CLASP2: variants seen among roughly 807,000 people sequenced by gnomAD.
The protein encoded by CLASP2 is CLIP-associating protein 2.
Under a neutral mutation model 194.4 loss-of-function variants are expected in CLASP2, and 47 were observed. That is an observed-to-expected ratio of 0.24 (90% CI 0.19 to 0.31). The LOEUF is 0.31. CLASP2 is among the 10% of genes least tolerant of loss of function. The probability of loss-of-function intolerance (pLI) is 1.00; values close to 1 mark genes in which losing one functional copy is unlikely to be tolerated. For missense variants in CLASP2, 1,445 were observed against 1,823.6 expected (o/e 0.79, Z 3.78); for synonymous variants, 619 against 633.5 (o/e 0.98, Z 0.34).
rs112186892 is a variant in CLASP2 at position 33,554,455 on chromosome 3, T to A, written c.3010-3060A>T. The stretch of plus-strand genomic sequence containing the variant: ...TTATTTACATGCAGCACGTAAAAAG[T>A]CAAATTTATAGAAACAGAGAGTAAA... On this transcript the variant is annotated intron_variant, in intron 29 of 38. Transcript: ENST00000682230. Among the ~76,000 whole-genome samples, 2 of 152,024 alleles carry A rather than the reference T, an allele frequency of 1.3e-5. 1 individual carries two copies. Among genetic ancestry groups the A allele is most frequent in the South Asian group, 4.1e-4 (2 of 4,826 alleles).
At chr3:33,607,631 C>T (rs1366223457) in intron 14 of CLASP2, among the ~76,000 whole-genome samples, 170 bp from the exon 15 acceptor site, 1 of 152,052 alleles carries the variant, frequency 6.6e-6, no homozygotes, top group African/African-American at 2.4e-5. Context: ...TAATTATCTG[C>T]CCCATATGTT....
intron 9 of CLASP2, among the ~76,000 whole-genome samples, chr3:33,630,514 G>A (rs950238686): frequency 1.3e-5 from 2 of 152,074 alleles, no homozygotes; most frequent in African/African-American, 4.8e-5. Context: ...ATTACTATGA[G>A]TATGAGAGCC....
chr3:33,685,963 C>A (rs994744813), intron 5 of CLASP2, among the ~76,000 whole-genome samples: 12 of 151,800 alleles, frequency 7.9e-5, no homozygotes, highest in Non-Finnish European at 1.5e-4. Flanking sequence ...CGTAATGCCA[C>A]TGAACTTACA....
intron 7 of CLASP2, among the ~76,000 whole-genome samples, chr3:33,647,898 T>C (rs1019649110): frequency 6.6e-6 from 1 of 151,818 alleles, no homozygotes; most frequent in Admixed American, 6.6e-5. Context: ...CCAGGCGTGG[T>C]GGTGGGCGCC....
chr3:33,625,365 C>CTTA (rs747515731), intron 10 of CLASP2, among the ~76,000 whole-genome samples: 7 of 144,850 alleles, frequency 4.8e-5, no homozygotes, highest in Non-Finnish European at 7.4e-5. Context: ...ATTCCTATAA[C>CTTA]ACACACACAC....
chr3:33,588,244 A>T (rs1322156808), intron 21 of CLASP2, among the ~76,000 whole-genome samples: 7 of 152,148 alleles, frequency 4.6e-5, no homozygotes, highest in Non-Finnish European at 7.3e-5. Context: ...TTGGAAAAAA[A>T]TACCAAGGCT....
intron 22 of CLASP2, among the ~76,000 whole-genome samples, chr3:33,583,013 T>A (rs898079240): frequency 6.6e-6 from 1 of 152,184 alleles, no homozygotes; most frequent in Non-Finnish European, 1.5e-5. Context: ...TCCTACACAC[T>A]ATTTCTAAGG....
chr3:33,613,534 G>A (rs1280200097), intron 12 of CLASP2, among the ~76,000 whole-genome samples: 1 of 152,226 alleles, frequency 6.6e-6, no homozygotes, highest in Non-Finnish European at 1.5e-5. Flanking sequence ...TGGCACATCA[G>A]TGTTTGCCAC....
chr3:33,581,991 A>T, intron 22 of CLASP2, 63 bp from the exon 23 acceptor site: 2 of 1,233,146 alleles, frequency 1.6e-6, no homozygotes, highest in Non-Finnish European at 2.3e-6. Flanking sequence ...TTGCATTTTA[A>T]AAAATTTTGT....
At chr3:33,653,586 G>A (rs2083598661) in intron 7 of CLASP2, among the ~76,000 whole-genome samples, 1 of 151,906 alleles carries the variant, frequency 6.6e-6, no homozygotes, top group Admixed American at 6.6e-5. Flanking sequence ...TTGACACTAA[G>A]GGTTAAACTT....
At chr3:33,572,961 C>A in intron 25 of CLASP2, 149 bp downstream of exon 25, 3 of 654,604 alleles carry the variant, frequency 4.6e-6, no homozygotes, top group Non-Finnish European at 7.3e-6. Context: ...TCCTAAAAGA[C>A]TGAAGCTTTG....
chr3:33,584,727 TAAAAA>T lies in CLASP2; in HGVS notation c.2239+18_2239+22del. The T allele has an allele frequency of 8.0e-7, 1 of 1,255,284 alleles. No homozygotes were observed. 77.8% of individuals were successfully genotyped at this position (1,255,284 alleles called of 1,614,324 possible). A position where few individuals can be genotyped will look rare whatever the true frequency, so the allele number is the denominator to read the frequency against. ...AAAAAAAAGGGTTACATGTCTCACA[TAAAAA>T]AAAAAAAAAAATCTTACCCACTGAA... On this transcript the variant is annotated intron_variant, in intron 22 of 38. Transcript: ENST00000682230.
chr3:33,640,728 A>G (rs895700115), intron 8 of CLASP2, among the ~76,000 whole-genome samples: 3 of 152,110 alleles, frequency 2.0e-5, no homozygotes, highest in African/African-American at 4.8e-5. Flanking sequence ...AGTAGCAGCC[A>G]AAATGATTGA....
chr3:33,562,240 C>T (rs1238967884), intron 27 of CLASP2, among the ~76,000 whole-genome samples: 1 of 152,192 alleles, frequency 6.6e-6, no homozygotes, highest in African/African-American at 2.4e-5. Context: ...TTCCTACTCA[C>T]AGTGTGGATT....
chr3:33,599,766 G>A (rs921616496), intron 18 of CLASP2, among the ~76,000 whole-genome samples: 1 of 152,174 alleles, frequency 6.6e-6, no homozygotes, highest in Non-Finnish European at 1.5e-5. Context: ...ACAGCGGGTA[G>A]GGTGGGGTGA....
chr3:33,543,399 T>A lies in CLASP2; in HGVS notation c.3404+34A>T, dbSNP rs779084445. 5.3e-5 allele frequency: 72 copies of A among 1,347,092 alleles called. 1 individual carries two copies. The highest frequency in any genetic ancestry group is 4.0e-4 in the South Asian group (34 of 85,586). 83.4% of individuals were successfully genotyped at this position (1,347,092 alleles called of 1,614,324 possible). A position where few individuals can be genotyped will look rare whatever the true frequency, so the allele number is the denominator to read the frequency against. ...AAAAGAAAGAATGGGAATTTACAAATACAAACCATCATGAAAAATCATCCT... is the reference window on the plus strand; with the variant it reads ...AAAAGAAAGAATGGGAATTTACAAAAACAAACCATCATGAAAAATCATCCT... On this transcript the variant is annotated intron_variant, in intron 32 of 38. Coordinates refer to ENST00000682230, the MANE Select transcript of CLASP2 (RefSeq NM_001365631.1).
chr3:33,605,024 T>G (rs2073428629), intron 16 of CLASP2, among the ~76,000 whole-genome samples: 2 of 152,216 alleles, frequency 1.3e-5, no homozygotes, highest in South Asian at 4.1e-4. Context: ...GTTATTCTCT[T>G]AGATTGAGGC....
chr3:33,697,927 A>G (rs1462456085), intron 1 of CLASP2, among the ~76,000 whole-genome samples: 1 of 152,212 alleles, frequency 6.6e-6, no homozygotes, highest in Non-Finnish European at 1.5e-5. Flanking sequence ...ACTATTTACA[A>G]CTGAGTGTGG....
chr3:33,688,043 A>G (rs1352552366), intron 4 of CLASP2, among the ~76,000 whole-genome samples: 1 of 152,222 alleles, frequency 6.6e-6, no homozygotes, highest in Non-Finnish European at 1.5e-5. Flanking sequence ...TTGGGTGGCT[A>G]CTATTAACAT....
Sources: gnomAD v4.1 joint callset for allele counts (sites outside exome capture counted in the v4.1 genomes callset) on GRCh38, gnomAD v4.1.1 for gene constraint, MANE v1.5 for transcripts, NCBI Gene and HGNC (gene_info 2026-07-23, HGNC 2026-07-21) for gene names.